Variants in NCK2 observed in about 807,000 individuals in gnomAD.
The protein encoded by NCK2 is cytoplasmic protein NCK2.
A neutral mutation model predicts 33.9 loss-of-function variants in NCK2; 16 were observed. The ratio of observed to expected loss-of-function variants is 0.47; its 90% CI spans 0.32 to 0.72. The LOEUF (loss-of-function observed/expected upper bound fraction) is 0.72. NCK2 is among the 30% of genes least tolerant of loss of function. The pLI, the probability that NCK2 is intolerant of heterozygous loss-of-function variation, is 0.03. For synonymous variants in NCK2, 273 were observed against 239.9 expected (o/e 1.14, Z -1.27); for missense variants, 418 against 537.3 (o/e 0.78, Z 2.19).
At chr2:105,770,124 T>TAAAAAAAAAAAAAAAAAAG (rs1690082132) in intron 1 of NCK2, among the ~76,000 whole-genome samples, 1 of 126,756 alleles carries the variant, frequency 7.9e-6, no homozygotes, top group Non-Finnish European at 1.7e-5. Context: ...CACTAATAAG[T>TAAAAAAAAAAAAAAAAAAG]AAAAAAAAAA....
intron 1 of NCK2, among the ~76,000 whole-genome samples, chr2:105,793,602 ATTTG>A (rs1190765353): frequency 2.0e-5 from 3 of 152,214 alleles, no homozygotes; most frequent in Non-Finnish European, 4.4e-5. Flanking sequence ...TGAGCAATGA[ATTTG>A]TTTATTTCTT....
intron 1 of NCK2, among the ~76,000 whole-genome samples, chr2:105,779,938 A>C (rs1335788826): frequency 6.6e-6 from 1 of 152,142 alleles, no homozygotes; most frequent in Non-Finnish European, 1.5e-5. Flanking sequence ...TAGCGTGTAC[A>C]TATCCACATA....
In NCK2 at chr2:105,893,278, T is replaced by A; in HGVS notation, c.*102T>A. ...CCGCGGGGACGGCCCCGACGGCTTC[T>A]CTGCGAGTCTCTCTTTATGTTCAGG... On this transcript the variant is annotated 3_prime_UTR_variant, in exon 5 of 5. Coordinates refer to ENST00000233154, the MANE Select transcript of NCK2 (RefSeq NM_003581.5). The A allele has an allele frequency of 8.9e-7, 1 of 1,124,522 alleles. No individual in the cohort carries two copies. Among genetic ancestry groups the A allele is most frequent in the Non-Finnish European group, 1.2e-6 (1 of 808,876 alleles). 69.7% of individuals were successfully genotyped at this position (1,124,522 alleles called of 1,614,324 possible).
chr2:105,840,760 A>G (rs2104549264), intron 2 of NCK2, among the ~76,000 whole-genome samples: 1 of 152,362 alleles, frequency 6.6e-6, no homozygotes, highest in South Asian at 2.1e-4. Context: ...TTGTAAGGGA[A>G]AATAAAAAAT....
intron 1 of NCK2, among the ~76,000 whole-genome samples, chr2:105,797,381 C>T (rs1691117742): frequency 6.6e-6 from 1 of 152,156 alleles, no homozygotes; most frequent in Non-Finnish European, 1.5e-5. Context: ...GAAGAGACTG[C>T]CAGCCATGCG....
At position 105,893,311 on chromosome 2, in the gene NCK2, GT is replaced by G. The variant is rs1679075647; in HGVS notation, c.*136del. On this transcript the variant is annotated 3_prime_UTR_variant, in exon 5 of 5. Transcript: ENST00000233154. ...TCTCTCTTTATGTTCAGGTCGCTTG[GT>G]CGGTTCGTCTCCCATTTGCCATCCA... The G allele has an allele frequency of 1.1e-6, 1 of 903,512 alleles. No homozygotes were observed. Among genetic ancestry groups the G allele is most frequent in the Admixed American group, 2.9e-5 (1 of 34,428 alleles). 56.0% of individuals were successfully genotyped at this position (903,512 alleles called of 1,614,324 possible).
At chr2:105,791,537 T>C (rs2104425907) in intron 1 of NCK2, among the ~76,000 whole-genome samples, 1 of 152,336 alleles carries the variant, frequency 6.6e-6, no homozygotes, top group South Asian at 2.1e-4. Flanking sequence ...TGTCCTTATT[T>C]GTTCCGTGTA....
intron 4 of NCK2, among the ~76,000 whole-genome samples, chr2:105,889,922 G>A (rs1428927435): frequency 1.3e-5 from 2 of 152,140 alleles, no homozygotes; most frequent in African/African-American, 4.8e-5. Context: ...CTCAGAGGAT[G>A]CTCATGCTGC....
At chr2:105,836,475 G>A (rs995293147) in intron 2 of NCK2, among the ~76,000 whole-genome samples, 1 of 152,174 alleles carries the variant, frequency 6.6e-6, no homozygotes, top group Admixed American at 6.5e-5. Context: ...AGGACAGTGG[G>A]TGGGCTGGTT....
At chr2:105,886,279 C>G (rs1213933092) in intron 4 of NCK2, among the ~76,000 whole-genome samples, 1 of 152,230 alleles carries the variant, frequency 6.6e-6, no homozygotes, top group Non-Finnish European at 1.5e-5. Flanking sequence ...TCATGCAGTA[C>G]AGGCTGTTAT....
chr2:105,890,033 A>C (rs1475728293), intron 4 of NCK2, among the ~76,000 whole-genome samples: 1 of 152,240 alleles, frequency 6.6e-6, no homozygotes, highest in African/African-American at 2.4e-5. Context: ...GTTAGTATAC[A>C]GATTGTTCTT....
intron 1 of NCK2, among the ~76,000 whole-genome samples, chr2:105,795,620 A>T (rs1185214569): frequency 6.6e-6 from 1 of 152,186 alleles, no homozygotes; most frequent in Non-Finnish European, 1.5e-5. Context: ...TCCCCAAGGG[A>T]TATTCAGCAG....
chr2:105,769,064 T>C lies in NCK2; in HGVS notation c.-201+23926T>C, dbSNP rs1340178679. Among the ~76,000 whole-genome samples the C allele has an allele frequency of 2.6e-5, 4 of 152,208 alleles. No individual in the cohort carries two copies. The East Asian group carries it at 7.7e-4, about 29-fold the overall frequency. On this transcript the variant is annotated intron_variant, in intron 1 of 4. Transcript: ENST00000233154. ...GGCAATGACCAGCTCCCCTCCAGGC[T>C]ATCTAGGGGCACCCCCCAACCCCAC...
rs1042770148 is a variant in NCK2, at chr2:105,775,117, T to G, written c.-201+29979T>G. Among the ~76,000 whole-genome samples, 7 of 152,336 alleles carry G rather than the reference T, an allele frequency of 4.6e-5. 1 individual carries two copies. Among genetic ancestry groups the G allele is most frequent in the African/African-American group, 1.7e-4 (7 of 41,576 alleles). ...GAATACCTTGTCATCTGATGTTAGC[T>G]AAACTTTAGTTTTTAAAAAATAGTA... On this transcript the variant is annotated intron_variant, in intron 1 of 4. Coordinates refer to ENST00000233154, the MANE Select transcript of NCK2 (RefSeq NM_003581.5).
chr2:105,887,995 A>G (rs1012885849), intron 4 of NCK2, among the ~76,000 whole-genome samples: 2 of 152,228 alleles, frequency 1.3e-5, no homozygotes, highest in Non-Finnish European at 2.9e-5. Context: ...GAAATTTTTA[A>G]GTCTGCACGT....
At position 105,855,136 on chromosome 2, in the gene NCK2, A is replaced by G; in HGVS notation, c.73A>G (p.Lys25Glu). The change falls in exon 3 of 5, where the codon AAG (lysine) becomes GAG (glutamate). Residue 25 changes from lysine (K) to glutamate (E), a missense_variant. Lys to Glu is a moderately conservative substitution (Grantham distance 56). Transcript: ENST00000233154. ...AQQDQELDIK[K>E]NERLWLLDDS... ...GCAGGACCAGGAGCTGGACATCAAGAAGAACGAGCGGCTGTGGTTGCTGGA... is the reference window on the plus strand; with the variant it reads ...GCAGGACCAGGAGCTGGACATCAAGGAGAACGAGCGGCTGTGGTTGCTGGA... 1 of 1,614,206 alleles carries G rather than the reference A, an allele frequency of 6.2e-7. No homozygotes were observed. Among genetic ancestry groups the G allele is most frequent in the Non-Finnish European group, 8.5e-7 (1 of 1,180,036 alleles).
chr2:105,846,633 T>C (rs998477940), intron 2 of NCK2: 4 of 152,184 alleles, frequency 2.6e-5, no homozygotes, highest in African/African-American at 9.7e-5. Flanking sequence ...GATGTATACG[T>C]TACACCCAAT....
chr2:105,835,115 G>A (rs1362280922), intron 2 of NCK2, among the ~76,000 whole-genome samples: 1 of 151,620 alleles, frequency 6.6e-6, no homozygotes, highest in Non-Finnish European at 1.5e-5. Context: ...TTCTTCAGTG[G>A]TAATATTTGA....
At chr2:105,855,322 G>C (rs1221371999) in intron 3 of NCK2, 33 bp downstream of exon 3, 11 of 1,517,516 alleles carry the variant, frequency 7.2e-6, no homozygotes, top group Non-Finnish European at 9.9e-6. Context: ...AGGAAGCCTT[G>C]TGCATTTCAA....
Sources: gnomAD v4.1 joint callset for allele counts (sites outside exome capture counted in the v4.1 genomes callset) on GRCh38, gnomAD v4.1.1 for gene constraint, MANE v1.5 for transcripts, NCBI Gene and HGNC (gene_info 2026-07-23, HGNC 2026-07-21) for gene names.